PCDHGA6: variants seen among roughly 807,000 people sequenced by gnomAD.
PCDHGA6 encodes protocadherin gamma-A6.
A neutral mutation model predicts 60.6 loss-of-function variants in PCDHGA6; 41 were observed. That is an observed-to-expected ratio of 0.68 (90% CI 0.53 to 0.88). The LOEUF (loss-of-function observed/expected upper bound fraction) is 0.88. Ranked by LOEUF, PCDHGA6 falls within the 40% of genes least tolerant of loss-of-function variation. The pLI, the probability that PCDHGA6 is intolerant of heterozygous loss-of-function variation, is 0.00. For synonymous variants in PCDHGA6, 594 were observed against 524.4 expected (o/e 1.13, Z -1.81); for missense variants, 1,312 against 1,203.0 (o/e 1.09, Z -1.34).
At chr5:141,444,492 T>C (rs1052885639) in intron 1 of PCDHGA6, among the ~76,000 whole-genome samples, 1 of 152,122 alleles carries the variant, frequency 6.6e-6, no homozygotes, top group East Asian at 1.9e-4. Context: ...TTATATTGTG[T>C]AATACTTTGC....
At position 141,421,672 on chromosome 5, in the gene PCDHGA6, C is replaced by T; in HGVS notation, c.2424+45165C>T. On this transcript the variant is annotated intron_variant, in intron 1 of 3. Coordinates refer to ENST00000517434, the MANE Select transcript of PCDHGA6 (RefSeq NM_018919.3). Reference sequence around the variant, plus strand: ...GATAAAAGTCAGTGAGCACGCAATTCCTGGGGCGCGATTTGCTCTTCCTAA... The same window carrying T: ...GATAAAAGTCAGTGAGCACGCAATTTCTGGGGCGCGATTTGCTCTTCCTAA... 4 of 1,613,862 alleles carry T rather than the reference C, an allele frequency of 2.5e-6. No individual in the cohort carries two copies. The highest frequency in any genetic ancestry group is 1.6e-4 in the Middle Eastern group (1 of 6,062).
rs1248410660 is a variant in PCDHGA6, at chr5:141,394,098, A to G, written c.2424+17591A>G. On this transcript the variant is annotated intron_variant, in intron 1 of 3. Transcript: ENST00000517434. The stretch of plus-strand genomic sequence containing the variant: ...CACAGTGATGGCCTCAGATCTAGGA[A>G]CACCACCTCTGTCCACTGAAACTCA... 2.5e-6 allele frequency: 4 copies of G among 1,613,854 alleles called. No individual in the cohort carries two copies. In the East Asian group the frequency reaches 8.9e-5, roughly 36 times the overall value.
intron 1 of PCDHGA6, among the ~76,000 whole-genome samples, chr5:141,386,562 A>G (rs979902403): frequency 3.0e-4 from 45 of 152,130 alleles, no homozygotes; most frequent in Non-Finnish European, 4.7e-4. Context: ...TATTTTGCAC[A>G]TGATAGACTC....
Position 141,431,473 on chromosome 5 carries a change from C to G in PCDHGA6, c.2424+54966C>G, listed in dbSNP as rs750300971. ...TGATGGTTCTGGATGCGAACGACAA[C>G]GCACCAGCGTTTGCTCAGCCCGAGT... On this transcript the variant is annotated intron_variant, in intron 1 of 3. Coordinates refer to ENST00000517434, the MANE Select transcript of PCDHGA6 (RefSeq NM_018919.3). This position sits in a 1 kb window ranked among gnomAD's most constrained non-coding sequence, Gnocchi z 4.8. 5.0e-6 allele frequency: 8 copies of G among 1,613,832 alleles called. No homozygotes were observed. The highest frequency in any genetic ancestry group is 1.7e-5 in the Admixed American group (1 of 60,026).
At chr5:141,510,862 C>T (rs764422869) in intron 3 of PCDHGA6, 85 bp from the exon 4 acceptor site, 22 of 1,606,772 alleles carry the variant, frequency 1.4e-5, no homozygotes, top group Non-Finnish European at 1.7e-5. Flanking sequence ...GCTGTATAGG[C>T]ATTCATTAAC....
intron 1 of PCDHGA6, chr5:141,387,783 C>A: frequency 6.8e-7 from 1 of 1,467,932 alleles, no homozygotes; most frequent in Non-Finnish European, 9.1e-7. Context: ...TGAACTGGAA[C>A]TGCAACTAAA....
chr5:141,445,456 T>A (rs921684111), intron 1 of PCDHGA6, among the ~76,000 whole-genome samples: 8 of 152,218 alleles, frequency 5.3e-5, no homozygotes, highest in Non-Finnish European at 1.0e-4. Flanking sequence ...GATGCAGCAA[T>A]GAACAAGGCA....
chr5:141,423,648 G>T, intron 1 of PCDHGA6: 1 of 1,590,008 alleles, frequency 6.3e-7, no homozygotes, highest in Admixed American at 1.8e-5. Context: ...AATGTGACCC[G>T]ACAAGTAATC....
rs990493129 is a variant in PCDHGA6 at position 141,449,560 on chromosome 5, G to C, written c.2425-45247G>C. On this transcript the variant is annotated intron_variant, in intron 1 of 3. Coordinates refer to ENST00000517434, the MANE Select transcript of PCDHGA6 (RefSeq NM_018919.3). ...GCCGAGATCGCACCACTGCACTCCA[G>C]CCTGGGCGACAGAGCAAGACTCTGT... Among the ~76,000 whole-genome samples, 4 of 145,056 alleles carry C rather than the reference G, an allele frequency of 2.8e-5. No homozygotes were observed. The Admixed American group carries it at 2.8e-4, about 10-fold the overall frequency.
rs186109113 is a variant in PCDHGA6, at chr5:141,415,284, G to C, written c.2424+38777G>C. ...TGTACCTGGTGGTAGCGGTGGCCGCGGTCTCCTGCGTCTTCCTGGCCTTCG... is the reference window on the plus strand; with the variant it reads ...TGTACCTGGTGGTAGCGGTGGCCGCCGTCTCCTGCGTCTTCCTGGCCTTCG... On this transcript the variant is annotated intron_variant, in intron 1 of 3. Transcript: ENST00000517434. 4,314 of 1,614,198 alleles carry C rather than the reference G, an allele frequency of 2.7e-3. 11 individuals are homozygous for C. The highest frequency in any genetic ancestry group is 7.3e-3 in the Middle Eastern group (44 of 6,062).
intron 1 of PCDHGA6, among the ~76,000 whole-genome samples, chr5:141,443,577 G>A (rs567410923): frequency 1.3e-5 from 2 of 152,284 alleles, no homozygotes; most frequent in South Asian, 4.1e-4. Context: ...ATGGACTTGA[G>A]CTAAAACAGA....
chr5:141,458,367 G>A (rs1297876142), intron 1 of PCDHGA6, among the ~76,000 whole-genome samples: 2 of 152,130 alleles, frequency 1.3e-5, no homozygotes, highest in African/African-American at 2.4e-5. Context: ...AGAAGGAAGG[G>A]AGAAGAGAGA....
At chr5:141,394,471 T>C (rs2093007845) in intron 1 of PCDHGA6, 3 of 1,614,250 alleles carry the variant, frequency 1.9e-6, no homozygotes, top group Non-Finnish European at 2.5e-6. Flanking sequence ...CTGTTCGTGC[T>C]GGACCAGAAT....
intron 1 of PCDHGA6, chr5:141,426,347 T>C (rs977411941): frequency 5.2e-6 from 1 of 193,980 alleles, no homozygotes; most frequent in African/African-American, 2.3e-5. Context: ...TTCCCTTTCC[T>C]GCTGCCTTTG....
rs1390739125 is a variant in PCDHGA6 at position 141,490,094 on chromosome 5, C to T, written c.2425-4713C>T. ...CTAGACTATTCTTTTGGAGACCACA[C>T]ATCTGAGGCAGTGCGGAACCTCTTT... On this transcript the variant is annotated intron_variant, in intron 1 of 3. Coordinates refer to ENST00000517434, the MANE Select transcript of PCDHGA6 (RefSeq NM_018919.3). This position sits in a 1 kb window ranked among gnomAD's most constrained non-coding sequence, Gnocchi z 5.4. 1 of 1,614,250 alleles carries T rather than the reference C, an allele frequency of 6.2e-7. No individual in the cohort carries two copies. The highest frequency in any genetic ancestry group is 2.2e-5 in the East Asian group (1 of 44,888).
intron 3 of PCDHGA6, among the ~76,000 whole-genome samples, chr5:141,506,032 G>A (rs994735467): frequency 5.9e-5 from 9 of 152,166 alleles, no homozygotes; most frequent in Non-Finnish European, 1.0e-4. Context: ...TCCAGAGTAG[G>A]ATTCTGGTTT....
chr5:141,431,408 G>T lies in PCDHGA6; in HGVS notation c.2424+54901G>T, dbSNP rs1270461546. On this transcript the variant is annotated intron_variant, in intron 1 of 3. Coordinates refer to ENST00000517434, the MANE Select transcript of PCDHGA6 (RefSeq NM_018919.3). The surrounding 1 kb of genome is among the most constrained non-coding windows in gnomAD (Gnocchi z 4.8). ...CCACCTGGTCCTTACGGCCTCCGAC[G>T]GGGGCGACCCGGTGCGCACAGGCAC... 4 of 1,613,600 alleles carry T rather than the reference G, an allele frequency of 2.5e-6. No individual in the cohort carries two copies. Among genetic ancestry groups the T allele is most frequent in the Non-Finnish European group, 3.4e-6 (4 of 1,180,038 alleles).
intron 1 of PCDHGA6, chr5:141,394,323 T>A (rs1323089912): frequency 6.2e-7 from 1 of 1,613,982 alleles, no homozygotes; most frequent in South Asian, 1.1e-5. Flanking sequence ...CCTGTCCTCG[T>A]ATATCTCCAT....
chr5:141,490,736 A>G lies in PCDHGA6; in HGVS notation c.2425-4071A>G, dbSNP rs747567176. The G allele has an allele frequency of 5.0e-6, 8 of 1,614,084 alleles. No individual in the cohort carries two copies. Among genetic ancestry groups the G allele is most frequent in the Non-Finnish European group, 6.8e-6 (8 of 1,180,034 alleles). On this transcript the variant is annotated intron_variant, in intron 1 of 3. Transcript: ENST00000517434. This position sits in a 1 kb window ranked among gnomAD's most constrained non-coding sequence, Gnocchi z 5.4. The stretch of plus-strand genomic sequence containing the variant: ...TACTCCATTGTAGGAAATCAGGTTC[A>G]GGGAGCCCCAGCCTCCTCCTTTGTG...
Sources: gnomAD v4.1 joint callset for allele counts (sites outside exome capture counted in the v4.1 genomes callset) on GRCh38, gnomAD v4.1.1 for gene constraint, Gnocchi (gnomAD v3.1) non-coding constraint, MANE v1.5 for transcripts, NCBI Gene and HGNC (gene_info 2026-07-23, HGNC 2026-07-21) for gene names.